The following GRAMD1C variants were observed in gnomAD, a reference collection of about 807,000 sequenced individuals.
GRAMD1C encodes the protein GRAM domain containing 1C.
GRAMD1C carries 89 observed loss-of-function variants against 97.8 expected under a neutral mutation model. That is an observed-to-expected ratio of 0.91 (90% confidence interval 0.77 to 1.09). GRAMD1C has a LOEUF of 1.09. Ranked by LOEUF, GRAMD1C falls within the 50% of genes least tolerant of loss-of-function variation. GRAMD1C has a pLI of 0.00. For missense variants in GRAMD1C, 740 were observed against 766.4 expected (o/e 0.97, Z 0.41); for synonymous variants, 256 against 267.0 (o/e 0.96, Z 0.40).
intron 2 of GRAMD1C, among the ~76,000 whole-genome samples, chr3:113,861,832 C>T (rs1438982296): frequency 6.6e-6 from 1 of 152,108 alleles, no homozygotes; most frequent in South Asian, 2.1e-4. Flanking sequence ...CATGTAGGTT[C>T]TTTTCTATTT....
rs139812327 is a variant in GRAMD1C, at chr3:113,839,745, A to G, written c.27+809A>G. Reference sequence around the variant, plus strand: ...GGATTAGATGGTGATTAACACAGACATGATCCCTGCTCTCAATAAGCTTAT... The same window carrying G: ...GGATTAGATGGTGATTAACACAGACGTGATCCCTGCTCTCAATAAGCTTAT... On this transcript the variant is annotated intron_variant, in intron 1 of 17. Coordinates refer to ENST00000358160, the MANE Select transcript of GRAMD1C (RefSeq NM_017577.5). 4.0e-3 allele frequency among the ~76,000 whole-genome samples: 612 copies of G among 152,358 alleles called. 9 individuals are homozygous for G. The highest frequency in any genetic ancestry group is 0.031 in the South Asian group (149 of 4,830).
chr3:113,853,080 T>C (rs1317478745), intron 2 of GRAMD1C, among the ~76,000 whole-genome samples: 1 of 152,168 alleles, frequency 6.6e-6, no homozygotes, highest in African/African-American at 2.4e-5. Flanking sequence ...AGTCATATGA[T>C]ATTGTAAGGA....
rs146023565 is a variant in GRAMD1C at position 113,921,159 on chromosome 3, G to T, written c.1090+5321G>T. On this transcript the variant is annotated intron_variant, in intron 10 of 17. Transcript: ENST00000358160. ...TCTCCCACTTGTAAGTGAAAACGTG[G>T]TATTTAGTTTTCTGTTCCTGCAGTA... Among the ~76,000 whole-genome samples the T allele has an allele frequency of 1.2e-4, 19 of 152,272 alleles. No homozygotes were observed. The East Asian group carries it at 3.7e-3, about 29-fold the overall frequency.
intron 10 of GRAMD1C, among the ~76,000 whole-genome samples, chr3:113,917,781 C>G (rs1202263324): frequency 6.6e-6 from 1 of 151,470 alleles, no homozygotes; most frequent in Non-Finnish European, 1.5e-5. Context: ...CAACCTCCGC[C>G]TCCTGGGCTC....
chr3:113,913,291 G>A, intron 9 of GRAMD1C: 1 of 350,346 alleles, frequency 2.9e-6, no homozygotes, highest in African/African-American at 2.2e-5. Context: ...TTGGAAGGCT[G>A]AGCCAGGTGG....
chr3:113,872,967 C>T (rs1312269474), intron 3 of GRAMD1C, among the ~76,000 whole-genome samples: 1 of 150,630 alleles, frequency 6.6e-6, no homozygotes, highest in Non-Finnish European at 1.5e-5. Flanking sequence ...CGCCTATAGT[C>T]CCAGCTACTC....
intron 2 of GRAMD1C, among the ~76,000 whole-genome samples, chr3:113,860,612 T>C (rs929955819): frequency 3.9e-5 from 6 of 152,170 alleles, no homozygotes; most frequent in Admixed American, 3.9e-4. Flanking sequence ...GATGTACACT[T>C]CCCAGTTTTG....
intron 2 of GRAMD1C, among the ~76,000 whole-genome samples, chr3:113,860,194 G>A (rs1022010973): frequency 7.9e-5 from 12 of 151,954 alleles, no homozygotes; most frequent in African/African-American, 2.4e-4. Flanking sequence ...GCTAATTTTC[G>A]TATTTTTAGT....
chr3:113,849,833 C>T (rs1206377680), intron 2 of GRAMD1C, among the ~76,000 whole-genome samples: 4 of 152,142 alleles, frequency 2.6e-5, no homozygotes, highest in African/African-American at 7.2e-5. Context: ...GGGTGGTGGC[C>T]TGGCAGAGGG....
chr3:113,833,691 C>T (rs571525799), intron 1 of GRAMD1C, among the ~76,000 whole-genome samples: 1 of 152,186 alleles, frequency 6.6e-6, no homozygotes, highest in Non-Finnish European at 1.5e-5. Context: ...GGGGATGGTA[C>T]CAGGGTAAGT....
chr3:113,873,165 C>T (rs1054000082), intron 3 of GRAMD1C, among the ~76,000 whole-genome samples: 11 of 148,856 alleles, frequency 7.4e-5, no homozygotes, highest in African/African-American at 2.7e-4. Context: ...TAGACTGAGA[C>T]ATGAGAATAG....
Position 113,924,882 on chromosome 3 carries a change from A to G in GRAMD1C, c.1091-5832A>G, listed in dbSNP as rs546486387. ...TGTTAATGGGGTGTTGAAGTCTCCC[A>G]CTGTTATTGTGTGGTTATCTGAGTC... On this transcript the variant is annotated intron_variant, in intron 10 of 17. Transcript: ENST00000358160. Among the ~76,000 whole-genome samples, 59 of 152,276 alleles carry G rather than the reference A, an allele frequency of 3.9e-4. 1 individual carries two copies. Among genetic ancestry groups the G allele is most frequent in the Middle Eastern group, 3.4e-3 (1 of 294 alleles).
At chr3:113,839,064 A>G in intron 1 of GRAMD1C, 128 bp downstream of exon 1, 1 of 594,872 alleles carries the variant, frequency 1.7e-6, no homozygotes, top group Non-Finnish European at 2.5e-6. Context: ...TGCTCTTTGG[A>G]GTAATACGGA....
intron 2 of GRAMD1C, among the ~76,000 whole-genome samples, chr3:113,858,189 T>G (rs1343454475): frequency 6.6e-6 from 1 of 151,892 alleles, no homozygotes. Flanking sequence ...TTATGTTTTT[T>G]GATAATCCAT....
chr3:113,943,470 C>T (rs549808466), intron 17 of GRAMD1C, among the ~76,000 whole-genome samples: 1 of 152,354 alleles, frequency 6.6e-6, no homozygotes, highest in South Asian at 2.1e-4. Context: ...CCCTCACTCC[C>T]CCTGACCCCT....
At chr3:113,830,166 C>T (rs1167108535) in intron 1 of GRAMD1C, among the ~76,000 whole-genome samples, 1 of 152,130 alleles carries the variant, frequency 6.6e-6, no homozygotes, top group Non-Finnish European at 1.5e-5. Flanking sequence ...GCGGTTTGCA[C>T]AGCATGCAAA....
intron 5 of GRAMD1C, 87 bp downstream of exon 5, chr3:113,876,347 T>A: frequency 2.8e-6 from 2 of 714,164 alleles, no homozygotes; most frequent in Non-Finnish European, 5.0e-6. Flanking sequence ...ATTAGGCAGT[T>A]CTTCCTGGAG....
At chr3:113,849,917 G>C (rs945815272) in intron 2 of GRAMD1C, among the ~76,000 whole-genome samples, 17 of 132,518 alleles carry the variant, frequency 1.3e-4, no homozygotes, top group Admixed American at 1.1e-3. Flanking sequence ...TGGCCAGGCG[G>C]GGGGGCTGAC....
intron 2 of GRAMD1C, among the ~76,000 whole-genome samples, chr3:113,857,842 A>G (rs1434606537): frequency 6.6e-6 from 1 of 152,234 alleles, no homozygotes; most frequent in Admixed American, 6.5e-5. Context: ...GGATGCTGGA[A>G]TGAACTCCAC....
Sources: gnomAD v4.1 joint callset for allele counts (sites outside exome capture counted in the v4.1 genomes callset) on GRCh38, gnomAD v4.1.1 for gene constraint, MANE v1.5 for transcripts, NCBI Gene and HGNC (gene_info 2026-07-23, HGNC 2026-07-21) for gene names.